The following RASGRF2 variants were observed in gnomAD, a reference collection of about 807,000 sequenced individuals.
The protein encoded by RASGRF2 is ras-specific guanine nucleotide-releasing factor 2.
In RASGRF2, 76 loss-of-function variants were observed where a neutral mutation model predicts 151.0. The observed-to-expected ratio is 0.50, with a 90% CI of 0.42 to 0.61. The LOEUF is 0.61. Ranked by LOEUF, RASGRF2 falls within the 20% of genes least tolerant of loss-of-function variation. The pLI is 0.00. For missense variants in RASGRF2, 1,148 were observed against 1,564.6 expected, an observed-to-expected ratio of 0.73 and a Z score of 4.49; for synonymous variants, 504 against 566.5, an observed-to-expected ratio of 0.89 and a Z score of 1.57.
chr5:80,986,643 C>T (rs1561539496), intron 1 of RASGRF2, among the ~76,000 whole-genome samples: 1 of 152,226 alleles, frequency 6.6e-6, no homozygotes, highest in African/African-American at 2.4e-5. Context: ...GCAACAGTCT[C>T]TAACTTGGAG....
At position 81,094,340 on chromosome 5, in the gene RASGRF2, G is replaced by A. The variant is rs1416572806; in HGVS notation, c.1596G>A (p.Glu532=). Residue 532 remains glutamate, a synonymous_variant, in exon 11 of 27, where the codon GAG becomes GAA. Transcript: ENST00000265080. ...LSLIDCTLIE[E]PDASDDDSKG... ...TAATAGACTGCACATTGATTGAGGA[G>A]CCAGATGCAAGCGATGATGACTGTA... The A allele has an allele frequency of 5.0e-6, 8 of 1,613,144 alleles. No homozygotes were observed. Among genetic ancestry groups the A allele is most frequent in the Admixed American group, 3.3e-5 (2 of 59,970 alleles).
At position 81,225,921 on chromosome 5, in the gene RASGRF2, A is replaced by G. The variant is rs536328451; in HGVS notation, c.*151A>G. ...CCAGACTGGAATTCTGTCTCCAGAG[A>G]GAAACCCAGCTGTTTGGGTCAAAGA... is the stretch of plus-strand genomic sequence containing the variant. On this transcript the variant is annotated 3_prime_UTR_variant, in exon 27 of 27. Coordinates refer to ENST00000265080, the MANE Select transcript of RASGRF2 (RefSeq NM_006909.3). 2.8e-4 allele frequency: 230 copies of G among 817,926 alleles called. No individual in the cohort carries two copies. Among genetic ancestry groups the G allele is most frequent in the Admixed American group, 4.7e-4 (12 of 25,750 alleles). The allele number at this position is 817,926 out of a possible 1,614,324, so 50.7% of individuals were successfully genotyped here.
At chr5:81,057,831 C>A (rs545159547) in intron 2 of RASGRF2, among the ~76,000 whole-genome samples, 94 of 151,894 alleles carry the variant, frequency 6.2e-4, no homozygotes, top group African/African-American at 2.1e-3. Context: ...CTCGTCTCCA[C>A]AAAACAATCA....
intron 2 of RASGRF2, among the ~76,000 whole-genome samples, chr5:81,061,536 C>A (rs1363023327): frequency 6.9e-6 from 1 of 145,068 alleles, no homozygotes; most frequent in African/African-American, 2.6e-5. Flanking sequence ...GAGACAGGAT[C>A]TCTCCCTGTT....
chr5:81,078,116 A>G (rs1751989258), intron 5 of RASGRF2, among the ~76,000 whole-genome samples: 1 of 152,194 alleles, frequency 6.6e-6, no homozygotes, highest in Non-Finnish European at 1.5e-5. Context: ...TATACATAAT[A>G]TGGAATGGAT....
intron 17 of RASGRF2, among the ~76,000 whole-genome samples, chr5:81,128,633 G>A (rs575160828): frequency 4.6e-5 from 7 of 152,258 alleles, no homozygotes; most frequent in African/African-American, 1.4e-4. Context: ...TGTGGAGTGC[G>A]GGGAGCCGAG....
At chr5:81,027,065 C>T (rs1750061222) in intron 1 of RASGRF2, among the ~76,000 whole-genome samples, 1 of 152,148 alleles carries the variant, frequency 6.6e-6, no homozygotes. Context: ...ATAAAATTCA[C>T]CATTTTAAAG....
intron 1 of RASGRF2, among the ~76,000 whole-genome samples, chr5:80,973,886 A>G (rs750195352): frequency 3.9e-5 from 6 of 152,206 alleles, no homozygotes; most frequent in Admixed American, 6.5e-5. Flanking sequence ...AAGAGCTACA[A>G]TGGTGTGGCT....
chr5:81,216,085 C>T (rs1755729261), intron 24 of RASGRF2, 130 bp downstream of exon 24: 1 of 950,552 alleles, frequency 1.1e-6, no homozygotes, highest in Non-Finnish European at 1.4e-6. Context: ...CAACTTGTAT[C>T]ATCTAGGTAT....
chr5:81,208,534 CTTTTTTTTTTTTTTTTTTTTTT>C (rs71000806), intron 22 of RASGRF2, 96 bp downstream of exon 22: 220 of 251,320 alleles, frequency 8.8e-4, no homozygotes, highest in Admixed American at 1.0e-3. Flanking sequence ...CTGTCACCCA[CTTTTTTTTTTTTTTTTTTTTTT>C]TTTTTTTTTT....
chr5:81,078,830 A>G (rs116703761), intron 5 of RASGRF2, among the ~76,000 whole-genome samples: 379 of 152,332 alleles, frequency 2.5e-3, no homozygotes, highest in Non-Finnish European at 4.4e-3. Flanking sequence ...CACTGCTTAC[A>G]GAATCTGTTG....
Position 81,205,608 on chromosome 5 carries a change from A to G in RASGRF2, c.2907-1237A>G, listed in dbSNP as rs544696235. Among the ~76,000 whole-genome samples, 39 of 152,310 alleles carry G rather than the reference A, an allele frequency of 2.6e-4. 1 individual carries two copies. In the South Asian group the frequency reaches 7.3e-3, roughly 28 times the overall value. On this transcript the variant is annotated intron_variant, in intron 19 of 26. Transcript: ENST00000265080. ...AACTCAGAACACAACAGAACATCACATCATCATTACTTCTTTTAAAAGTAG... is the reference window on the plus strand; with the variant it reads ...AACTCAGAACACAACAGAACATCACGTCATCATTACTTCTTTTAAAAGTAG...
At chr5:81,099,274 A>G (rs886188519) in intron 12 of RASGRF2, among the ~76,000 whole-genome samples, 1 of 152,210 alleles carries the variant, frequency 6.6e-6, no homozygotes, top group East Asian at 1.9e-4. Flanking sequence ...CTATATTCCT[A>G]TAAACTCTTC....
chr5:81,166,247 C>T (rs754068117), intron 17 of RASGRF2, among the ~76,000 whole-genome samples: 18 of 152,040 alleles, frequency 1.2e-4, no homozygotes, highest in East Asian at 1.9e-4. Flanking sequence ...AATGCAGTGG[C>T]GCCATCTCAG....
rs539288562 is a variant in RASGRF2 at position 81,229,288 on chromosome 5, T to A, written c.*3518T>A. On this transcript the variant is annotated 3_prime_UTR_variant, in exon 27 of 27. Transcript: ENST00000265080. Reference sequence around the variant, plus strand: ...CGAAAAGGCATAAAAGAGAACATACTATTTATGGCTGAAGGGTATAGCCAG... The same window carrying A: ...CGAAAAGGCATAAAAGAGAACATACAATTTATGGCTGAAGGGTATAGCCAG... The A allele has an allele frequency of 6.6e-6, 1 of 152,346 alleles. No individual in the cohort carries two copies. Among genetic ancestry groups the A allele is most frequent in the Non-Finnish European group, 1.5e-5 (1 of 68,026 alleles). The allele number at this position is 152,346 out of a possible 1,614,324, so 9.4% of individuals were successfully genotyped here. A position where few individuals can be genotyped will look rare whatever the true frequency, so the allele number is the denominator to read the frequency against.
At chr5:81,137,671 G>A (rs1483103526) in intron 17 of RASGRF2, among the ~76,000 whole-genome samples, 4 of 152,208 alleles carry the variant, frequency 2.6e-5, no homozygotes, top group Non-Finnish European at 5.9e-5. Context: ...GCGTGACCAC[G>A]TGAAGACACA....
chr5:81,005,588 G>GA (rs930893991), intron 1 of RASGRF2, among the ~76,000 whole-genome samples: 17 of 151,978 alleles, frequency 1.1e-4, no homozygotes, highest in Admixed American at 3.3e-4. Context: ...TTTTCATGGA[G>GA]AAAAAAAATC....
intron 13 of RASGRF2, among the ~76,000 whole-genome samples, chr5:81,109,849 AC>A (rs1170230896): frequency 6.6e-6 from 1 of 152,170 alleles, no homozygotes; most frequent in African/African-American, 2.4e-5. Context: ...CACTTAATGA[AC>A]TGGAATTGTT....
chr5:81,208,285 C>A, intron 21 of RASGRF2, 69 bp from the exon 22 acceptor site: 1 of 1,321,816 alleles, frequency 7.6e-7, no homozygotes, highest in Non-Finnish European at 1.1e-6. Context: ...TTCGTGACAA[C>A]TGTCCAGGAT....
Sources: allele counts gnomAD v4.1 joint callset (sites outside exome capture counted in the v4.1 genomes callset), GRCh38; gene constraint gnomAD v4.1.1; transcripts MANE v1.5; gene names NCBI Gene and HGNC (gene_info 2026-07-23, HGNC 2026-07-21).